The following TENM3 variants were observed in gnomAD, a reference collection of about 807,000 sequenced individuals.
The protein encoded by TENM3 is teneurin-3.
Under a neutral mutation model 255.1 loss-of-function variants are expected in TENM3, and 63 were observed. The ratio of observed to expected loss-of-function variants is 0.25; its 90% CI spans 0.20 to 0.30. The LOEUF is 0.30. Ranked by LOEUF, TENM3 falls within the 10% of genes least tolerant of loss-of-function variation. TENM3 has a pLI of 1.00. For synonymous variants in TENM3, 1,306 were observed against 1,322.3 expected (o/e 0.99, Z 0.27); for missense variants, 2,929 against 3,461.1 (o/e 0.85, Z 3.86).
chr4:182,566,981 C>G (rs944375075), intron 3 of TENM3, among the ~76,000 whole-genome samples: 1 of 151,866 alleles, frequency 6.6e-6, no homozygotes, highest in Non-Finnish European at 1.5e-5. Context: ...GCTTTTTCTC[C>G]TAAAGATAAT....
chr4:181,703,045 G>A, the TENM3 span, among the ~76,000 whole-genome samples: 1 of 152,196 alleles, frequency 6.6e-6, no homozygotes, highest in African/African-American at 2.4e-5. Flanking sequence ...TTTTATGGAA[G>A]AGGAAGTACA....
chr4:182,267,478 G>C (rs1285301998), intron 1 of TENM3, among the ~76,000 whole-genome samples: 3 of 152,114 alleles, frequency 2.0e-5, no homozygotes, highest in African/African-American at 7.2e-5. Flanking sequence ...GCCCCATAGG[G>C]AACCAACCTC....
intron 1 of TENM3, among the ~76,000 whole-genome samples, chr4:182,303,785 TA>T: frequency 6.6e-6 from 1 of 152,322 alleles, no homozygotes; most frequent in Middle Eastern, 3.4e-3. Flanking sequence ...ACATTTTAGC[TA>T]TGGACATTAA....
chr4:181,891,445 G>A, the TENM3 span, among the ~76,000 whole-genome samples: 1 of 152,094 alleles, frequency 6.6e-6, no homozygotes, highest in African/African-American at 2.4e-5. Context: ...TTGATACCGT[G>A]ATTCCCTCCT....
chr4:181,926,493 G>C, the TENM3 span, among the ~76,000 whole-genome samples: 8 of 152,066 alleles, frequency 5.3e-5, no homozygotes, highest in African/African-American at 1.9e-4. Flanking sequence ...AGAAAATTGA[G>C]ACTGGCATCC....
At chr4:182,103,689 A>G in the TENM3 span, among the ~76,000 whole-genome samples, 1 of 152,118 alleles carries the variant, frequency 6.6e-6, no homozygotes, top group Non-Finnish European at 1.5e-5. Context: ...AACTTCAGAA[A>G]AACTCCTTCT....
the TENM3 span, among the ~76,000 whole-genome samples, chr4:181,920,048 A>G: frequency 6.6e-6 from 1 of 151,610 alleles, no homozygotes; most frequent in African/African-American, 2.4e-5. Flanking sequence ...CCATGTCCCT[A>G]CAAAGGACAT....
intron 1 of TENM3, among the ~76,000 whole-genome samples, chr4:182,319,790 C>T (rs1043262138): frequency 6.6e-6 from 1 of 152,166 alleles, no homozygotes; most frequent in African/African-American, 2.4e-5. Flanking sequence ...GAAAATGATA[C>T]AGTAGAGAGA....
At chr4:181,922,227 A>G in the TENM3 span, among the ~76,000 whole-genome samples, 4 of 152,186 alleles carry the variant, frequency 2.6e-5, no homozygotes, top group Non-Finnish European at 5.9e-5. Context: ...TGGCTTTGGT[A>G]TCAGGATGAT....
chr4:182,364,304 G>T (rs1167158713), intron 3 of TENM3, among the ~76,000 whole-genome samples: 1 of 152,144 alleles, frequency 6.6e-6, no homozygotes, highest in African/African-American at 2.4e-5. Context: ...TAAGCAGATG[G>T]ATAATAAACA....
At chr4:181,710,577 T>G in the TENM3 span, among the ~76,000 whole-genome samples, 2 of 151,890 alleles carry the variant, frequency 1.3e-5, no homozygotes, top group African/African-American at 4.8e-5. Context: ...TTAGCGGGCA[T>G]GGTGGCAGGT....
the TENM3 span, among the ~76,000 whole-genome samples, chr4:181,681,040 C>G: frequency 2.6e-5 from 4 of 151,964 alleles, no homozygotes; most frequent in Admixed American, 1.3e-4. Context: ...TGGAGGTATA[C>G]TACACGTTAT....
intron 3 of TENM3, among the ~76,000 whole-genome samples, chr4:182,594,307 A>G (rs1017401199): frequency 2.0e-5 from 3 of 152,062 alleles, no homozygotes; most frequent in Non-Finnish European, 2.9e-5. Context: ...GCCTGGCCCT[A>G]TGACATTTCT....
chr4:181,535,651 T>C, the TENM3 span, among the ~76,000 whole-genome samples: 19 of 152,348 alleles, frequency 1.2e-4, no homozygotes, highest in South Asian at 3.9e-3. Context: ...TTCTTCAAGC[T>C]AGCCTGCCCT....
intron 3 of TENM3, among the ~76,000 whole-genome samples, chr4:182,348,991 A>C (rs1469635697): frequency 2.0e-5 from 3 of 152,214 alleles, no homozygotes; most frequent in Non-Finnish European, 4.4e-5. Flanking sequence ...AAAGGCAAGA[A>C]AAGTTGCACT....
At chr4:182,634,028 T>C (rs1350492946) in intron 5 of TENM3, among the ~76,000 whole-genome samples, 2 of 152,094 alleles carry the variant, frequency 1.3e-5, no homozygotes, top group South Asian at 2.1e-4. Flanking sequence ...AGAACCGAGA[T>C]TGGTTTTTCC....
chr4:181,522,758 G>C, the TENM3 span: 2 of 732,762 alleles, frequency 2.7e-6, no homozygotes, highest in Non-Finnish European at 5.0e-6. Context: ...AAATGGACCT[G>C]AGAGTAAATG....
chr4:181,821,779 C>T, the TENM3 span: 2 of 152,168 alleles, frequency 1.3e-5, no homozygotes, highest in African/African-American at 2.4e-5. Flanking sequence ...AATAGTGACT[C>T]ACACATGGCT....
chr4:181,591,424 GAA>G, the TENM3 span, among the ~76,000 whole-genome samples: 4 of 152,324 alleles, frequency 2.6e-5, no homozygotes, highest in Non-Finnish European at 5.9e-5. Flanking sequence ...ACTTGTACGT[GAA>G]TGTTCATAGC....
Sources: gnomAD v4.1 joint callset for allele counts (sites outside exome capture counted in the v4.1 genomes callset) on GRCh38, gnomAD v4.1.1 for gene constraint, MANE v1.5 for transcripts, NCBI Gene and HGNC (gene_info 2026-07-23, HGNC 2026-07-21) for gene names.